The following PIR variants were observed in gnomAD, a reference collection of about 807,000 sequenced individuals.
PIR encodes the protein pirin (iron-binding nuclear protein).
PIR carries 22 observed loss-of-function variants against 24.2 expected under a neutral mutation model. The ratio of observed to expected loss-of-function variants is 0.91; its 90% CI spans 0.65 to 1.30. PIR has a LOEUF of 1.30. PIR is among the 50% of genes most tolerant of loss of function. The probability of loss-of-function intolerance (pLI) is 0.00; values close to 1 mark genes in which losing one functional copy is unlikely to be tolerated. For synonymous variants in PIR, 80 were observed against 79.6 expected (o/e 1.00, Z -0.03); for missense variants, 220 against 220.3 (o/e 1.00, Z 0.01).
At chrX:15,405,295 C>T (rs1225201229) in intron 7 of PIR, among the ~76,000 whole-genome samples, 1 of 112,062 alleles carries the variant, frequency 8.9e-6, no homozygotes, top group Non-Finnish European at 1.9e-5. Context: ...TAAAAAAAGC[C>T]TTTCATGACA....
At chrX:15,423,700 A>G (rs1023606495) in intron 6 of PIR, among the ~76,000 whole-genome samples, 4 of 112,025 alleles carry the variant, frequency 3.6e-5, no homozygotes, top group Non-Finnish European at 7.5e-5. Flanking sequence ...GAATAACCAG[A>G]ATATATAAGG....
chrX:15,392,348 G>T (rs189641856), intron 8 of PIR, among the ~76,000 whole-genome samples: 209 of 111,457 alleles, frequency 1.9e-3, no homozygotes, highest in Middle Eastern at 4.7e-3. Flanking sequence ...ACTTTAAAAT[G>T]AAGCCTTCAA....
At chrX:15,396,969 T>C (rs900127725) in intron 8 of PIR, among the ~76,000 whole-genome samples, 3 of 111,860 alleles carry the variant, frequency 2.7e-5, no homozygotes, top group African/African-American at 9.8e-5. Flanking sequence ...CTCGATTTCC[T>C]GACATCGTGA....
intron 6 of PIR, 38 bp from the exon 7 acceptor site, chrX:15,407,588 T>C (rs745385130): frequency 9.5e-7 from 1 of 1,055,714 alleles, no homozygotes; most frequent in Non-Finnish European, 1.3e-6. Flanking sequence ...TTAGTGTCCA[T>C]AATGCCAAAA....
chrX:15,393,626 T>C (rs760668179), intron 8 of PIR, among the ~76,000 whole-genome samples: 11 of 110,757 alleles, frequency 9.9e-5, no homozygotes, highest in Non-Finnish European at 1.7e-4. Context: ...GCAGTGGTGC[T>C]GGATTCTCAT....
intron 3 of PIR, among the ~76,000 whole-genome samples, chrX:15,475,295 T>C (rs1602295980): frequency 8.9e-6 from 1 of 111,765 alleles, no homozygotes; most frequent in Admixed American, 9.5e-5. Context: ...CAGGGTGGTT[T>C]TGTTCTCGTG....
chrX:15,488,903 T>A (rs746408818), intron 2 of PIR, among the ~76,000 whole-genome samples: 1 of 110,782 alleles, frequency 9.0e-6, no homozygotes, highest in East Asian at 2.8e-4. Flanking sequence ...CTCTACTAAT[T>A]TTTTTGTTTT....
At chrX:15,386,124 C>A (rs1923741129) in intron 9 of PIR, among the ~76,000 whole-genome samples, 1 of 112,303 alleles carries the variant, frequency 8.9e-6, no homozygotes, top group East Asian at 2.8e-4. Context: ...ATCCAGCCTG[C>A]AGAAGTTCCT....
At chrX:15,448,472 T>A (rs1023838140) in intron 5 of PIR, among the ~76,000 whole-genome samples, 1 of 112,122 alleles carries the variant, frequency 8.9e-6, no homozygotes, top group East Asian at 2.8e-4. Flanking sequence ...TGAGATGAGA[T>A]GGACTGCATA....
chrX:15,445,513 A>G (rs1926059337), intron 5 of PIR, among the ~76,000 whole-genome samples: 2 of 111,955 alleles, frequency 1.8e-5, no homozygotes, highest in African/African-American at 6.5e-5. Flanking sequence ...GTGCACATGT[A>G]CCCCACAACT....
intron 8 of PIR, among the ~76,000 whole-genome samples, chrX:15,397,035 C>T (rs1924183647): frequency 1.8e-5 from 2 of 112,365 alleles, no homozygotes; most frequent in South Asian, 3.7e-4. Context: ...CCACCACGCC[C>T]GGCCAAGGTG....
chrX:15,492,309 A>T (rs1394614082), intron 1 of PIR, among the ~76,000 whole-genome samples: 1 of 111,625 alleles, frequency 9.0e-6, no homozygotes, highest in Non-Finnish European at 1.9e-5. Flanking sequence ...CTCCTAGAGC[A>T]TAGGCAAGTC....
chrX:15,415,025 G>A (rs185065628), intron 6 of PIR, among the ~76,000 whole-genome samples: 1 of 111,278 alleles, frequency 9.0e-6, no homozygotes, highest in East Asian at 2.8e-4. Flanking sequence ...TCTAACCTAT[G>A]TACAAAATCT....
intron 2 of PIR, among the ~76,000 whole-genome samples, chrX:15,490,669 G>T (rs1475479696): frequency 8.9e-6 from 1 of 111,846 alleles, no homozygotes; most frequent in Non-Finnish European, 1.9e-5. Context: ...CGTCTACAGA[G>T]TTGGGTCCCA....
intron 8 of PIR, among the ~76,000 whole-genome samples, chrX:15,394,212 C>T (rs1924050880): frequency 8.9e-6 from 1 of 111,773 alleles, no homozygotes; most frequent in African/African-American, 3.3e-5. Context: ...ATTGTTTATA[C>T]TTCTTGGGCC....
chrX:15,489,387 TAG>T (rs750424193), intron 2 of PIR, among the ~76,000 whole-genome samples: 3 of 112,402 alleles, frequency 2.7e-5, no homozygotes, highest in Non-Finnish European at 5.6e-5. Flanking sequence ...AAGAAATTGA[TAG>T]GTTTCATCAA....
At position 15,425,911 on chromosome X, in the gene PIR, G is replaced by C. The variant is rs760795372; in HGVS notation, c.560C>G (p.Pro187Arg). 1 of 1,131,533 alleles carries C rather than the reference G, an allele frequency of 8.8e-7. No homozygotes were observed. The highest frequency in any genetic ancestry group is 1.8e-5 in the South Asian group (1 of 55,046). The allele number at this position is 1,131,533 out of a possible 1,213,427, so 93.3% of individuals were successfully genotyped here. A position where few individuals can be genotyped will look rare whatever the true frequency, so the allele number is the denominator to read the frequency against. ...DPGAKHSQPIPKGWTSFIYTI... is the reference protein window; with the variant it reads ...DPGAKHSQPIRKGWTSFIYTI... Reference sequence around the variant, plus strand: ...AACCCCAGAACCCATCATACCTTTAGGGATAGGTTGGGAATGTTTGGCTCC... The same window carrying C: ...AACCCCAGAACCCATCATACCTTTACGGATAGGTTGGGAATGTTTGGCTCC... The change falls in exon 6 of 10, where the codon CCT becomes CGT. Residue 187 changes from proline (P) to arginine (R), a missense_variant. Physicochemically the swap from Pro to Arg is moderately radical, Grantham distance 103. Transcript: ENST00000380420.
At chrX:15,454,402 C>T (rs190489958) in intron 5 of PIR, among the ~76,000 whole-genome samples, 346 of 108,723 alleles carry the variant, frequency 3.2e-3, no homozygotes, top group South Asian at 0.014. Flanking sequence ...ATTTTTTTGT[C>T]GTTGTTGTTC....
At chrX:15,484,084 C>T (rs1263141232) in intron 2 of PIR, among the ~76,000 whole-genome samples, 1 of 111,546 alleles carries the variant, frequency 9.0e-6, no homozygotes, top group Non-Finnish European at 1.9e-5. Flanking sequence ...CCACCACCCT[C>T]AGAACAGTAG....
Sources: gnomAD v4.1 joint callset for allele counts (sites outside exome capture counted in the v4.1 genomes callset) on GRCh38, gnomAD v4.1.1 for gene constraint, MANE v1.5 for transcripts, NCBI Gene and HGNC (gene_info 2026-07-23, HGNC 2026-07-21) for gene names.